JPH2: variants seen among roughly 807,000 people sequenced by gnomAD.
The protein encoded by JPH2 is junctophilin-2.
Under a neutral mutation model 55.9 loss-of-function variants are expected in JPH2, and 38 were observed. That is an observed-to-expected ratio of 0.68 (90% CI 0.52 to 0.89). JPH2 has a LOEUF of 0.89. Ranked by LOEUF, JPH2 falls within the 40% of genes least tolerant of loss-of-function variation. The probability of loss-of-function intolerance (pLI) is 0.00; values close to 1 mark genes in which losing one functional copy is unlikely to be tolerated. For missense variants in JPH2, 964 were observed against 1,037.6 expected (o/e 0.93, Z 0.97); for synonymous variants, 480 against 472.4 (o/e 1.02, Z -0.21).
At chr20:44,113,772 C>G (rs1600827446) in intron 5 of JPH2, among the ~76,000 whole-genome samples, 1 of 152,154 alleles carries the variant, frequency 6.6e-6, no homozygotes, top group Non-Finnish European at 1.5e-5. Context: ...CTTCCTCCCC[C>G]ACTGTCATCT....
rs1267017986 is a variant in JPH2, at chr20:44,109,379, C to G, written c.*4139G>C. The stretch of plus-strand genomic sequence containing the variant: ...TGTTCATATTTTCTATCTGAAGAGG[C>G]AGGTAACATGGTATTCATCACCCCC... On this transcript the variant is annotated 3_prime_UTR_variant, in exon 6 of 6. Coordinates refer to ENST00000372980, the MANE Select transcript of JPH2 (RefSeq NM_020433.5). Among the ~76,000 whole-genome samples the G allele has an allele frequency of 6.6e-6, 1 of 152,324 alleles. No individual in the cohort carries two copies. The highest frequency in any genetic ancestry group is 3.4e-3 in the Middle Eastern group (1 of 294).
chr20:44,183,348 T>C (rs1378766629), intron 1 of JPH2, among the ~76,000 whole-genome samples: 1 of 152,222 alleles, frequency 6.6e-6, no homozygotes, highest in Non-Finnish European at 1.5e-5. Flanking sequence ...AACTAGCAAG[T>C]TGTGGAGCCA....
At chr20:44,168,081 G>T (rs756009963) in intron 1 of JPH2, among the ~76,000 whole-genome samples, 1 of 152,190 alleles carries the variant, frequency 6.6e-6, no homozygotes, top group Non-Finnish European at 1.5e-5. Flanking sequence ...CTAGCTCAGT[G>T]CCTAGGATAT....
chr20:44,142,077 T>C (rs1569200106), intron 2 of JPH2, among the ~76,000 whole-genome samples: 1 of 152,130 alleles, frequency 6.6e-6, no homozygotes, highest in Non-Finnish European at 1.5e-5. Context: ...TTGGACCAAA[T>C]GGCCTTGCAT....
chr20:44,114,753 C>CA, intron 5 of JPH2, 29 bp downstream of exon 5: 3 of 1,538,142 alleles, frequency 2.0e-6, no homozygotes, highest in Non-Finnish European at 2.7e-6. Context: ...TCCTGCCCCC[C>CA]AACCCCTCCT....
rs1259828095 is a variant in JPH2, at chr20:44,116,249, C to A, written c.1426G>T (p.Glu476Ter). ...PRESPQLHER[E>*]TPRPEGGSPS... Reference sequence around the variant, plus strand: ...GAGCCACCCTCGGGCCGAGGGGTCTCACGCTCGTGCAGCTGCGGGCTCTCG... The same window carrying A: ...GAGCCACCCTCGGGCCGAGGGGTCTAACGCTCGTGCAGCTGCGGGCTCTCG... Residue 476 changes from glutamate (E) to a stop codon, truncating the protein, a stop_gained, in exon 4 of 6, where the codon GAG becomes TAG. Transcript: ENST00000372980. LOFTEE classifies it high-confidence loss of function. 3 of 1,498,002 alleles carry A rather than the reference C, an allele frequency of 2.0e-6. No individual in the cohort carries two copies. 92.8% of individuals were successfully genotyped at this position (1,498,002 alleles called of 1,614,324 possible).
intron 1 of JPH2, among the ~76,000 whole-genome samples, chr20:44,167,041 A>G (rs1296653120): frequency 6.6e-6 from 1 of 151,964 alleles, no homozygotes; most frequent in Non-Finnish European, 1.5e-5. Context: ...ATTTCTTCAC[A>G]TGCTCTTCTC....
chr20:44,178,735 T>C (rs1349144110), intron 1 of JPH2, among the ~76,000 whole-genome samples: 2 of 152,230 alleles, frequency 1.3e-5, no homozygotes, highest in African/African-American at 4.8e-5. Context: ...GAATTTACTC[T>C]GATTTTATGA....
intron 1 of JPH2, among the ~76,000 whole-genome samples, chr20:44,163,767 C>T (rs2072633104): frequency 6.6e-6 from 1 of 152,172 alleles, no homozygotes; most frequent in African/African-American, 2.4e-5. Flanking sequence ...TAAAAGAAAA[C>T]AACTGATCCT....
intron 1 of JPH2, among the ~76,000 whole-genome samples, chr20:44,167,126 C>T (rs2072661570): frequency 6.6e-6 from 1 of 152,248 alleles, no homozygotes; most frequent in Admixed American, 6.5e-5. Flanking sequence ...AGGAAGATTT[C>T]TTGAGCCCCA....
intron 1 of JPH2, among the ~76,000 whole-genome samples, chr20:44,161,362 A>G (rs767380944): frequency 2.6e-5 from 4 of 152,274 alleles, no homozygotes; most frequent in Non-Finnish European, 4.4e-5. Context: ...ACACAAGTCC[A>G]TGAGCTCCTG....
chr20:44,141,098 TCA>T (rs2072453573), intron 2 of JPH2, among the ~76,000 whole-genome samples: 1 of 152,054 alleles, frequency 6.6e-6, no homozygotes, highest in Non-Finnish European at 1.5e-5. Context: ...GATATTAAGG[TCA>T]CAGTCTTCAA....
chr20:44,168,553 TG>T (rs1175082556), intron 1 of JPH2, among the ~76,000 whole-genome samples: 1 of 152,218 alleles, frequency 6.6e-6, no homozygotes, highest in East Asian at 1.9e-4. Context: ...AGTATCTTAA[TG>T]GATACAGGTA....
Position 44,107,524 on chromosome 20 carries a change from CTTTCCT to C in JPH2, c.*5988_*5993del, listed in dbSNP as rs1171976458. 3.9e-5 allele frequency among the ~76,000 whole-genome samples: 6 copies of C among 152,212 alleles called. No homozygotes were observed. Among genetic ancestry groups the C allele is most frequent in the African/African-American group, 1.4e-4 (6 of 41,448 alleles). ...AAGCAAATTCCATCCTCCATACTCT[CTTTCCT>C]TTTCCTTTGGCAGATGCAGAGACCA... is the stretch of plus-strand genomic sequence containing the variant. On this transcript the variant is annotated 3_prime_UTR_variant, in exon 6 of 6. Transcript: ENST00000372980.
intron 2 of JPH2, among the ~76,000 whole-genome samples, chr20:44,132,392 A>ACACACACACACAC (rs1433789451): frequency 2.1e-5 from 3 of 144,912 alleles, no homozygotes; most frequent in South Asian, 2.2e-4. Context: ...ACACACACAC[A>ACACACACACACAC]CACACACACA....
At chr20:44,184,682 G>A (rs529245423) in intron 1 of JPH2, among the ~76,000 whole-genome samples, 4 of 152,292 alleles carry the variant, frequency 2.6e-5, no homozygotes, top group Admixed American at 2.6e-4. Flanking sequence ...CCACAGGGCT[G>A]TTTTGCCACA....
intron 2 of JPH2, among the ~76,000 whole-genome samples, chr20:44,134,921 AT>A (rs2072398200): frequency 2.2e-5 from 1 of 44,686 alleles, no homozygotes; most frequent in African/African-American, 8.3e-5. Context: ...TAAAATATAT[AT>A]ATTTATATAT....
At position 44,134,085 on chromosome 20, in the gene JPH2, T is replaced by A. The variant is rs1216336832; in HGVS notation, c.1170-15462A>T. ...TATAAATATATAAATATATATTTAT[T>A]ATAAATATATATTTATTATAAATAT... is the stretch of plus-strand genomic sequence containing the variant. On this transcript the variant is annotated intron_variant, in intron 2 of 5. Coordinates refer to ENST00000372980, the MANE Select transcript of JPH2 (RefSeq NM_020433.5). Among the ~76,000 whole-genome samples, 15 of 19,808 alleles carry A rather than the reference T, an allele frequency of 7.6e-4. 6 individuals are homozygous for A. Among genetic ancestry groups the A allele is most frequent in the Admixed American group, 4.8e-3 (4 of 828 alleles). The allele number at this position is 19,808 out of a possible 152,430, so 13.0% of individuals were successfully genotyped here. A position where few individuals can be genotyped will look rare whatever the true frequency, so the allele number is the denominator to read the frequency against.
chr20:44,134,853 AAT>A (rs1173215386), intron 2 of JPH2, among the ~76,000 whole-genome samples: 862 of 83,820 alleles, frequency 0.01, 35 homozygotes, highest in African/African-American at 0.042. Context: ...GTTTATTATA[AAT>A]ATATATATAA....
Sources: gnomAD v4.1 joint callset for allele counts (sites outside exome capture counted in the v4.1 genomes callset) on GRCh38, gnomAD v4.1.1 for gene constraint, MANE v1.5 for transcripts, NCBI Gene and HGNC (gene_info 2026-07-23, HGNC 2026-07-21) for gene names.